The following OTOGL variants were observed in gnomAD, a reference collection of about 807,000 sequenced individuals.
OTOGL encodes the protein otogelin-like protein.
A neutral mutation model predicts 318.5 loss-of-function variants in OTOGL; 285 were observed. That is an observed-to-expected ratio of 0.89 (90% confidence interval 0.81 to 0.99). The LOEUF is 0.99. OTOGL is among the 50% of genes least tolerant of loss of function. The probability of loss-of-function intolerance (pLI) is 0.00; values close to 1 mark genes in which losing one functional copy is unlikely to be tolerated. For synonymous variants in OTOGL, 987 were observed against 936.5 expected, an observed-to-expected ratio of 1.05 and a Z score of -0.99; for missense variants, 2,899 against 2,845.6, an observed-to-expected ratio of 1.02 and a Z score of -0.43.
intron 55 of OTOGL, 118 bp downstream of exon 55, chr12:80,368,427 C>G: frequency 3.6e-6 from 2 of 549,716 alleles, no homozygotes; most frequent in Non-Finnish European, 6.4e-6. Context: ...ACACAGTACA[C>G]CTACAGCACA....
intron 1 of OTOGL, among the ~76,000 whole-genome samples, chr12:80,146,190 G>T (rs547369241): frequency 6.1e-5 from 9 of 147,770 alleles, no homozygotes; most frequent in Middle Eastern, 3.4e-3. Context: ...TATTGGCTGT[G>T]GGTTTGTCAT....
In OTOGL at chr12:80,356,482, G is replaced by A. The variant is rs761062761; in HGVS notation, c.5873G>A (p.Gly1958Asp). The change falls in exon 48 of 59, where the codon GGC (glycine) becomes GAC (aspartate). Residue 1958 changes from glycine to aspartate, a missense_variant. By Grantham distance (94) the Gly-to-Asp change is moderately conservative (BLOSUM62 -1). Coordinates refer to ENST00000547103, the MANE Select transcript of OTOGL (RefSeq NM_001378609.3). ...TCTNSQKLIV[G>D]HSPLSCCPQY... ...ACAAATAGTCAAAAATTGATTGTTG[G>A]CCACAGTCCTCTTTCTTGCTGTCCA... 4.3e-6 allele frequency: 7 copies of A among 1,611,916 alleles called. No homozygotes were observed. In the South Asian group the frequency reaches 7.7e-5, roughly 18 times the overall value.
intron 1 of OTOGL, among the ~76,000 whole-genome samples, chr12:80,137,313 G>A (rs1425799789): frequency 6.6e-6 from 1 of 152,018 alleles, no homozygotes; most frequent in African/African-American, 2.4e-5. Flanking sequence ...ATATTCAGTT[G>A]TCATCTAGTT....
intron 26 of OTOGL, among the ~76,000 whole-genome samples, chr12:80,285,147 T>C (rs937367498): frequency 2.0e-5 from 3 of 152,298 alleles, no homozygotes; most frequent in African/African-American, 4.8e-5. Context: ...CCTTTCCCTA[T>C]TGCTTGTTTT....
intron 47 of OTOGL, 68 bp downstream of exon 47, chr12:80,356,016 A>T (rs1047411831): frequency 4.6e-6 from 7 of 1,514,378 alleles, no homozygotes; most frequent in Non-Finnish European, 5.5e-6. Context: ...GTGAAAAAGC[A>T]GAGCATATAT....
intron 1 of OTOGL, among the ~76,000 whole-genome samples, chr12:80,138,463 T>C (rs1350034593): frequency 6.6e-6 from 1 of 152,170 alleles, no homozygotes; most frequent in East Asian, 1.9e-4. Context: ...TCTGTCATAT[T>C]ATTATCATTA....
intron 52 of OTOGL, among the ~76,000 whole-genome samples, chr12:80,365,632 A>G (rs529257439): frequency 3.3e-5 from 5 of 152,114 alleles, no homozygotes; most frequent in Non-Finnish European, 7.4e-5. Flanking sequence ...CCATTATTCT[A>G]ACATTTATTT....
chr12:80,176,709 A>G (rs1874552098), intron 1 of OTOGL, among the ~76,000 whole-genome samples: 1 of 152,092 alleles, frequency 6.6e-6, no homozygotes, highest in African/African-American at 2.4e-5. Context: ...GCATCAATGT[A>G]TATATTTTGT....
chr12:80,209,891 A>G (rs1387793256), intron 2 of OTOGL, among the ~76,000 whole-genome samples: 1 of 152,142 alleles, frequency 6.6e-6, no homozygotes, highest in Non-Finnish European at 1.5e-5. Context: ...GATTTAAAAT[A>G]ATTGTCTATT....
chr12:80,264,973 A>G (rs1317531672), intron 19 of OTOGL, 28 bp from the exon 20 acceptor site: 2 of 1,606,346 alleles, frequency 1.2e-6, no homozygotes, highest in Non-Finnish European at 1.7e-6. Context: ...GAACTGTTAA[A>G]TAAGATGCTA....
chr12:80,115,283 G>A (rs1207405896), intron 1 of OTOGL, among the ~76,000 whole-genome samples: 2 of 151,868 alleles, frequency 1.3e-5, no homozygotes. Flanking sequence ...GTTTTTGTGT[G>A]GTCTTCCTTT....
chr12:80,208,553 G>T (rs184552637), intron 1 of OTOGL, among the ~76,000 whole-genome samples: 1 of 152,258 alleles, frequency 6.6e-6, no homozygotes, highest in African/African-American at 2.4e-5. Flanking sequence ...AAGGTGTGGG[G>T]CTCAGATCTA....
chr12:80,163,761 T>C lies in OTOGL; in HGVS notation c.-19-45652T>C, dbSNP rs74108530. On this transcript the variant is annotated intron_variant, in intron 1 of 58. Coordinates refer to ENST00000547103, the MANE Select transcript of OTOGL (RefSeq NM_001378609.3). ...GATCAATGGGCCCAGTTGGGTATGT[T>C]TTTATGGCAATGACAGAGGAGCAAG... Among the ~76,000 whole-genome samples, 672 of 152,236 alleles carry C rather than the reference T, an allele frequency of 4.4e-3. 7 individuals carry two copies. Among genetic ancestry groups the C allele is most frequent in the African/African-American group, 0.016 (649 of 41,536 alleles).
At chr12:80,122,892 AT>A (rs1034118470) in intron 1 of OTOGL, among the ~76,000 whole-genome samples, 3 of 108,114 alleles carry the variant, frequency 2.8e-5, no homozygotes, top group Non-Finnish European at 5.7e-5. Context: ...TTTTATTTTT[AT>A]TTTTTTATTT....
rs150523613 is a variant in OTOGL at position 80,198,168 on chromosome 12, C to A, written c.-19-11245C>A. The stretch of plus-strand genomic sequence containing the variant: ...GTTACATATGCTTAACTTCTCTCAC[C>A]CCCTGGAGTAGAAGCTTTTTCAGAG... On this transcript the variant is annotated intron_variant, in intron 1 of 58. Coordinates refer to ENST00000547103, the MANE Select transcript of OTOGL (RefSeq NM_001378609.3). 5.7e-3 allele frequency among the ~76,000 whole-genome samples: 874 copies of A among 152,256 alleles called. 6 individuals are homozygous for A. Among genetic ancestry groups the A allele is most frequent in the South Asian group, 0.018 (86 of 4,814 alleles).
intron 1 of OTOGL, among the ~76,000 whole-genome samples, chr12:80,124,353 T>C (rs971373761): frequency 2.0e-5 from 3 of 152,296 alleles, no homozygotes; most frequent in African/African-American, 7.2e-5. Context: ...GTTGTAGATA[T>C]GCGGTATTAA....
Position 80,355,768 on chromosome 12 carries a change from G to A in OTOGL, c.5626G>A (p.Ala1876Thr). The change falls in exon 47 of 59, where the codon GCT (alanine) becomes ACT (threonine). Residue 1876 changes from alanine (A) to threonine (T), a missense_variant. Physicochemically the swap from Ala to Thr is moderately conservative, Grantham distance 58. Transcript: ENST00000547103. Reference sequence around the variant, plus strand: ...TGATAGTGAAGACCAACCCCGCACTGCTGGGGAGATTTGGAATGGGGGCAT... The same window carrying A: ...TGATAGTGAAGACCAACCCCGCACTACTGGGGAGATTTGGAATGGGGGCAT... ...CTDSEDQPRT[A>T]GEIWNGGIDE... The A allele has an allele frequency of 1.2e-6, 2 of 1,613,762 alleles. No individual in the cohort carries two copies. Among genetic ancestry groups the A allele is most frequent in the Non-Finnish European group, 1.7e-6 (2 of 1,179,766 alleles).
chr12:80,108,770 CGTATATATATATATAT>C (rs1869610382), intron 1 of OTOGL, among the ~76,000 whole-genome samples: 1 of 83,964 alleles, frequency 1.2e-5, no homozygotes, highest in South Asian at 3.6e-4. Context: ...TATATATACA[CGTATATATATATATAT>C]GTATATATAT....
rs1891279130 is a variant in OTOGL, at chr12:80,378,177, G to A, written c.*129G>A. The A allele has an allele frequency of 1.6e-5, 11 of 673,156 alleles. No individual in the cohort carries two copies. In the South Asian group the frequency reaches 2.7e-4, roughly 17 times the overall value. The allele number at this position is 673,156 out of a possible 1,614,324, so 41.7% of individuals were successfully genotyped here. On this transcript the variant is annotated 3_prime_UTR_variant, in exon 59 of 59. Transcript: ENST00000547103. ...CTGTATTTTTCAGACTTGGAATGTGGAAATTTAGCAATTTGTACAAAATAT... is the reference window on the plus strand; with the variant it reads ...CTGTATTTTTCAGACTTGGAATGTGAAAATTTAGCAATTTGTACAAAATAT...
Sources: gnomAD v4.1 joint callset for allele counts (sites outside exome capture counted in the v4.1 genomes callset) on GRCh38, gnomAD v4.1.1 for gene constraint, MANE v1.5 for transcripts, NCBI Gene and HGNC (gene_info 2026-07-23, HGNC 2026-07-21) for gene names.